Variants in GPHN observed in about 807,000 individuals in gnomAD.
GPHN encodes the protein gephyrin.
GPHN carries 17 observed loss-of-function variants against 95.5 expected under a neutral mutation model. That is an observed-to-expected ratio of 0.18 (90% CI 0.12 to 0.27). GPHN has a LOEUF of 0.27. GPHN is among the 10% of genes least tolerant of loss of function. The probability of loss-of-function intolerance (pLI) is 1.00; values close to 1 mark genes in which losing one functional copy is unlikely to be tolerated. For synonymous variants in GPHN, 320 were observed against 322.5 expected, an observed-to-expected ratio of 0.99 and a Z score of 0.08; for missense variants, 660 against 978.1, an observed-to-expected ratio of 0.67 and a Z score of 4.34.
chr14:67,143,526 G>C, intron 18 of GPHN, 77 bp downstream of exon 18: 1 of 912,720 alleles, frequency 1.1e-6, no homozygotes, highest in South Asian at 1.3e-5. Flanking sequence ...GGTCTGGTAG[G>C]CATCTGATAT....
At chr14:67,673,888 C>T in the GPHN span, among the ~76,000 whole-genome samples, 1 of 152,136 alleles carries the variant, frequency 6.6e-6, no homozygotes, top group Non-Finnish European at 1.5e-5. Context: ...ATGCCACAAT[C>T]AGGTTTTAAA....
At chr14:67,618,513 A>G in the GPHN span, among the ~76,000 whole-genome samples, 3,836 of 152,038 alleles carry the variant, frequency 0.025, 147 homozygotes, top group African/African-American at 0.08. Flanking sequence ...AGCTGGGGCC[A>G]TAGGCACATG....
chr14:67,505,797 C>G, the GPHN span, among the ~76,000 whole-genome samples: 1 of 152,018 alleles, frequency 6.6e-6, no homozygotes, highest in Non-Finnish European at 1.5e-5. Context: ...ACCTCTGCCT[C>G]CAGGGTTCAA....
chr14:67,364,063 T>C, the GPHN span: 2 of 152,182 alleles, frequency 1.3e-5, no homozygotes, highest in Non-Finnish European at 2.9e-5. Context: ...TTTGTAGTAA[T>C]GGAGATTAAA....
At chr14:67,258,782 T>C in the GPHN span, among the ~76,000 whole-genome samples, 1 of 152,106 alleles carries the variant, frequency 6.6e-6, no homozygotes, top group Non-Finnish European at 1.5e-5. Flanking sequence ...TAATAAGTTA[T>C]TTTGTTATGC....
chr14:67,529,183 C>A, the GPHN span, among the ~76,000 whole-genome samples: 1 of 152,270 alleles, frequency 6.6e-6, no homozygotes, highest in East Asian at 1.9e-4. Context: ...AATTCTGATT[C>A]CTGATTTACA....
chr14:67,642,793 C>CTTTTTTT, the GPHN span, among the ~76,000 whole-genome samples: 1,745 of 75,546 alleles, frequency 0.023, 453 homozygotes, highest in East Asian at 0.045. Context: ...ACTACATTTT[C>CTTTTTTT]TTTTTTTTTT....
At chr14:66,817,744 A>G (rs1369704893) in intron 3 of GPHN, among the ~76,000 whole-genome samples, 1 of 152,160 alleles carries the variant, frequency 6.6e-6, no homozygotes, top group African/African-American at 2.4e-5. Context: ...TTCTCTCCAA[A>G]TGGTCACCCA....
the GPHN span, among the ~76,000 whole-genome samples, chr14:67,275,188 G>T: frequency 5.3e-5 from 8 of 152,154 alleles, no homozygotes; most frequent in African/African-American, 1.9e-4. Context: ...GGGCATTCCT[G>T]TCTTGTGGCA....
chr14:66,705,444 G>A (rs2068987645), intron 2 of GPHN, among the ~76,000 whole-genome samples: 1 of 152,122 alleles, frequency 6.6e-6, no homozygotes, highest in Admixed American at 6.5e-5. Context: ...AAATCCAGCA[G>A]CACATCAAAA....
chr14:66,744,505 T>C (rs992936275), intron 2 of GPHN, among the ~76,000 whole-genome samples: 4 of 148,890 alleles, frequency 2.7e-5, no homozygotes, highest in African/African-American at 9.7e-5. Context: ...GCTACCTACT[T>C]GTAAGTCTAA....
the GPHN span, among the ~76,000 whole-genome samples, chr14:67,267,938 C>T: frequency 1.3e-5 from 2 of 152,030 alleles, no homozygotes; most frequent in Admixed American, 1.3e-4. Flanking sequence ...CCATTTTATT[C>T]CATTTTATCC....
chr14:67,341,737 T>C, the GPHN span, among the ~76,000 whole-genome samples: 1 of 152,202 alleles, frequency 6.6e-6, no homozygotes, highest in Admixed American at 6.5e-5. Flanking sequence ...TTTTGTGGAA[T>C]AGAAAAGGGG....
the GPHN span, among the ~76,000 whole-genome samples, chr14:67,631,586 C>A: frequency 2.0e-5 from 3 of 151,990 alleles, no homozygotes; most frequent in South Asian, 4.2e-4. Context: ...CAGGGACATG[C>A]CACCACACCA....
chr14:67,711,544 TA>T, the GPHN span, among the ~76,000 whole-genome samples: 1 of 152,230 alleles, frequency 6.6e-6, no homozygotes. Flanking sequence ...GCCAATTAAT[TA>T]GAGCTCTTTT....
chr14:67,023,354 T>TGAATAAA (rs2073759624), intron 9 of GPHN, among the ~76,000 whole-genome samples: 1 of 152,104 alleles, frequency 6.6e-6, no homozygotes, highest in South Asian at 2.1e-4. Context: ...CATATACCGA[T>TGAATAAA]TTTAAATACA....
the GPHN span, chr14:67,656,728 G>A: frequency 1.1e-6 from 1 of 943,470 alleles, no homozygotes. Flanking sequence ...AACCAAAGAA[G>A]CTAATGATTC....
chr14:67,191,278 A>G, the GPHN span, among the ~76,000 whole-genome samples: 1 of 152,234 alleles, frequency 6.6e-6, no homozygotes, highest in East Asian at 1.9e-4. Flanking sequence ...TAACACAGTA[A>G]AAAGACCCAG....
At chr14:66,830,326 C>G (rs2061538735) in intron 4 of GPHN, among the ~76,000 whole-genome samples, 1 of 151,816 alleles carries the variant, frequency 6.6e-6, no homozygotes, top group Non-Finnish European at 1.5e-5. Context: ...AGTGTATTGC[C>G]TCATTGTTTC....
Sources: gnomAD v4.1 joint callset for allele counts (sites outside exome capture counted in the v4.1 genomes callset) on GRCh38, gnomAD v4.1.1 for gene constraint, MANE v1.5 for transcripts, NCBI Gene and HGNC (gene_info 2026-07-23, HGNC 2026-07-21) for gene names.